Variants in SLC35F1 observed in about 807,000 individuals in gnomAD.
The protein encoded by SLC35F1 is solute carrier family 35 member F1, also known as chromosome 6 open reading frame 169.
SLC35F1 carries 14 observed loss-of-function variants against 48.7 expected under a neutral mutation model. That is an observed-to-expected ratio of 0.29 (90% CI 0.19 to 0.45). The LOEUF (loss-of-function observed/expected upper bound fraction) is 0.45, where lower values mean the gene tolerates loss of function less well. SLC35F1 is among the 20% of genes least tolerant of loss of function. The probability of loss-of-function intolerance (pLI) is 1.00; values close to 1 mark genes in which losing one functional copy is unlikely to be tolerated. For missense variants in SLC35F1, 404 were observed against 500.0 expected (o/e 0.81, Z 1.83); for synonymous variants, 190 against 202.2 (o/e 0.94, Z 0.51).
chr6:118,234,829 T>C (rs1164179496), intron 2 of SLC35F1, among the ~76,000 whole-genome samples: 4 of 152,290 alleles, frequency 2.6e-5, no homozygotes, highest in South Asian at 2.1e-4. Context: ...CTGAAATATA[T>C]GTAAAAATAA....
intron 3 of SLC35F1, among the ~76,000 whole-genome samples, chr6:118,251,243 A>C (rs1775570657): frequency 6.6e-6 from 1 of 152,164 alleles, no homozygotes; most frequent in South Asian, 2.1e-4. Flanking sequence ...TGACGGAGTG[A>C]ATAAATGAGT....
intron 1 of SLC35F1, among the ~76,000 whole-genome samples, chr6:118,005,539 C>T (rs1339764362): frequency 6.6e-6 from 1 of 152,114 alleles, no homozygotes; most frequent in African/African-American, 2.4e-5. Flanking sequence ...TCATCTTCTC[C>T]ATGCTGAAAC....
At chr6:117,968,829 A>G in intron 1 of SLC35F1, among the ~76,000 whole-genome samples, 1 of 152,182 alleles carries the variant, frequency 6.6e-6, no homozygotes, top group East Asian at 1.9e-4. Flanking sequence ...TCTGGTGCAC[A>G]TAGAGATTTG....
chr6:117,994,725 G>T (rs1333516495), intron 1 of SLC35F1, among the ~76,000 whole-genome samples: 1 of 152,128 alleles, frequency 6.6e-6, no homozygotes, highest in Non-Finnish European at 1.5e-5. Flanking sequence ...ATTGTTGACT[G>T]GTGGAATGTC....
At chr6:118,111,625 T>A (rs1773401945) in intron 1 of SLC35F1, among the ~76,000 whole-genome samples, 1 of 152,012 alleles carries the variant, frequency 6.6e-6, no homozygotes. Context: ...ATGATATAGA[T>A]CAGAAACTCA....
At chr6:118,296,213 T>C (rs979981004) in intron 7 of SLC35F1, among the ~76,000 whole-genome samples, 1 of 152,214 alleles carries the variant, frequency 6.6e-6, no homozygotes, top group African/African-American at 2.4e-5. Context: ...AATGGCAGTG[T>C]TGAGTAATTG....
chr6:118,148,965 CTT>C (rs988884106), intron 1 of SLC35F1, among the ~76,000 whole-genome samples: 29 of 152,310 alleles, frequency 1.9e-4, no homozygotes, highest in African/African-American at 6.5e-4. Context: ...AAATCTAAGA[CTT>C]TGCCATTTTC....
chr6:118,201,978 A>G (rs1774878706), intron 2 of SLC35F1, among the ~76,000 whole-genome samples: 1 of 152,182 alleles, frequency 6.6e-6, no homozygotes, highest in Non-Finnish European at 1.5e-5. Context: ...GTTCCATTTT[A>G]TGGATATATC....
intron 2 of SLC35F1, among the ~76,000 whole-genome samples, chr6:118,210,091 G>T (rs1351470367): frequency 6.6e-6 from 1 of 152,170 alleles, no homozygotes; most frequent in Admixed American, 6.5e-5. Flanking sequence ...AAGAACAAAA[G>T]GAACCCAATT....
At chr6:118,280,261 G>T (rs1775965882) in intron 6 of SLC35F1, among the ~76,000 whole-genome samples, 1 of 152,120 alleles carries the variant, frequency 6.6e-6, no homozygotes, top group Non-Finnish European at 1.5e-5. Flanking sequence ...ACATTCATAA[G>T]TCTAATAAAC....
In SLC35F1 at chr6:118,085,487, C is replaced by CTTTTTTTTTTTTTTTTTTTTT. The variant is rs59548308; in HGVS notation, c.174-68950_174-68930dup. On this transcript the variant is annotated intron_variant, in intron 1 of 7. Coordinates refer to ENST00000360388, the MANE Select transcript of SLC35F1 (RefSeq NM_001029858.4). Reference sequence around the variant, plus strand: ...TTTTCTCTTTTTTTTTCTTTCTTTCCTTTTTTTTTTTTTTTTTTTTTTTTT... The same window carrying CTTTTTTTTTTTTTTTTTTTTT: ...TTTTCTCTTTTTTTTTCTTTCTTTCCTTTTTTTTTTTTTTTTTTTTTTTTTTTTTTTTTTTTTTTTTTTTTT... Among the ~76,000 whole-genome samples the CTTTTTTTTTTTTTTTTTTTTT allele has an allele frequency of 2.3e-4, 13 of 56,940 alleles. 1 individual carries two copies. The highest frequency in any genetic ancestry group is 2.8e-4 in the Non-Finnish European group (9 of 32,642). 37.4% of individuals were successfully genotyped at this position (56,940 alleles called of 152,430 possible).
At chr6:118,085,078 T>C (rs1011677242) in intron 1 of SLC35F1, among the ~76,000 whole-genome samples, 3 of 141,330 alleles carry the variant, frequency 2.1e-5, no homozygotes, top group African/African-American at 7.6e-5. Context: ...GCCAAGCAGT[T>C]AGAACGGGAT....
intron 1 of SLC35F1, among the ~76,000 whole-genome samples, chr6:117,914,728 T>C (rs1343290357): frequency 6.6e-6 from 1 of 152,164 alleles, no homozygotes; most frequent in African/African-American, 2.4e-5. Context: ...GTTTCAAAAA[T>C]GATGTTTTCA....
chr6:118,014,370 T>C (rs1390415225), intron 1 of SLC35F1, among the ~76,000 whole-genome samples: 4 of 152,160 alleles, frequency 2.6e-5, no homozygotes, highest in Middle Eastern at 3.2e-3. Flanking sequence ...GGGCTCTTGA[T>C]GGCCTGTGAG....
chr6:117,937,068 C>T (rs1177910787), intron 1 of SLC35F1, among the ~76,000 whole-genome samples: 2 of 152,174 alleles, frequency 1.3e-5, no homozygotes, highest in Admixed American at 6.5e-5. Context: ...TCACAGAGGT[C>T]CCATAAGGAA....
At chr6:117,959,050 C>T (rs1040672768) in intron 1 of SLC35F1, among the ~76,000 whole-genome samples, 4 of 152,178 alleles carry the variant, frequency 2.6e-5, no homozygotes, top group Non-Finnish European at 5.9e-5. Flanking sequence ...ATTCCAACTT[C>T]CACGTGCTTG....
rs567006386 is a variant in SLC35F1 at position 118,143,927 on chromosome 6, A to G, written c.174-10518A>G. 2.6e-5 allele frequency among the ~76,000 whole-genome samples: 4 copies of G among 152,244 alleles called. No individual in the cohort carries two copies. The East Asian group carries it at 7.7e-4, about 29-fold the overall frequency. ...ATTTAGTTTCAAAACTTTTCATTTGACTATACCATGATGGTTTTCTGATGG... is the reference window on the plus strand; with the variant it reads ...ATTTAGTTTCAAAACTTTTCATTTGGCTATACCATGATGGTTTTCTGATGG... On this transcript the variant is annotated intron_variant, in intron 1 of 7. Transcript: ENST00000360388.
intron 6 of SLC35F1, among the ~76,000 whole-genome samples, chr6:118,282,436 G>A (rs1230821891): frequency 1.3e-5 from 2 of 152,088 alleles, no homozygotes; most frequent in African/African-American, 2.4e-5. Context: ...TTTAAAAATA[G>A]GTTGAGAATA....
chr6:118,232,547 C>CAA (rs1775305497), intron 2 of SLC35F1, among the ~76,000 whole-genome samples: 1 of 110,212 alleles, frequency 9.1e-6, no homozygotes, highest in African/African-American at 4.3e-5. Flanking sequence ...AAACTCCATC[C>CAA]CAAAAAAAAA....
Sources: gnomAD v4.1 joint callset for allele counts (sites outside exome capture counted in the v4.1 genomes callset) on GRCh38, gnomAD v4.1.1 for gene constraint, MANE v1.5 for transcripts, NCBI Gene and HGNC (gene_info 2026-07-23, HGNC 2026-07-21) for gene names.